Variants in ERGIC2 observed in about 807,000 individuals in gnomAD.
ERGIC2 encodes the protein endoplasmic reticulum-Golgi intermediate compartment protein 2.
In ERGIC2, 31 loss-of-function variants were observed where a neutral mutation model predicts 52.5. The observed-to-expected ratio is 0.59, with a 90% CI of 0.44 to 0.80. The LOEUF (loss-of-function observed/expected upper bound fraction) is 0.80, where lower values mean the gene tolerates loss of function less well. Among genes scored for constraint, ERGIC2 ranks in the 30% least tolerant of loss-of-function variants. The pLI is 0.00. For synonymous variants in ERGIC2, 129 were observed against 140.6 expected, an observed-to-expected ratio of 0.92 and a Z score of 0.58; for missense variants, 395 against 455.2, an observed-to-expected ratio of 0.87 and a Z score of 1.20.
intron 12 of ERGIC2, 83 bp downstream of exon 12, chr12:29,343,037 A>G (rs1279098353): frequency 3.4e-6 from 4 of 1,175,954 alleles, no homozygotes; most frequent in South Asian, 1.8e-5. Flanking sequence ...GAAAATCTGT[A>G]TACTTCTTGC....
Position 29,339,733 on chromosome 12 carries a change from G to A in ERGIC2, c.*1423C>T, listed in dbSNP as rs1565533731. ...TATTTCTCCTTCTCTCCATTATATT[G>A]TTTATCCTGTTTTCATAAATTTATC... On this transcript the variant is annotated 3_prime_UTR_variant, in exon 14 of 14. Coordinates refer to ENST00000360150, the MANE Select transcript of ERGIC2 (RefSeq NM_016570.3). The A allele has an allele frequency of 6.6e-6, 1 of 151,630 alleles. No individual in the cohort carries two copies. Among genetic ancestry groups the A allele is most frequent in the Non-Finnish European group, 1.5e-5 (1 of 67,884 alleles). The allele number at this position is 151,630 out of a possible 1,614,324, so 9.4% of individuals were successfully genotyped here. A position where few individuals can be genotyped will look rare whatever the true frequency, so the allele number is the denominator to read the frequency against.
chr12:29,366,407 T>C (rs1419665182), intron 5 of ERGIC2, among the ~76,000 whole-genome samples: 3 of 151,988 alleles, frequency 2.0e-5, no homozygotes, highest in Non-Finnish European at 4.4e-5. Flanking sequence ...GAAGTAGTAA[T>C]GCCCATGACA....
At chr12:29,363,474 T>A (rs538328510) in intron 5 of ERGIC2, among the ~76,000 whole-genome samples, 119 of 152,056 alleles carry the variant, frequency 7.8e-4, no homozygotes, top group Non-Finnish European at 1.5e-3. Flanking sequence ...CCTAAAAGCA[T>A]GGTTAAACAC....
At position 29,340,128 on chromosome 12, in the gene ERGIC2, A is replaced by C. The variant is rs560825614; in HGVS notation, c.*1028T>G. On this transcript the variant is annotated 3_prime_UTR_variant, in exon 14 of 14. Transcript: ENST00000360150. Reference sequence around the variant, plus strand: ...GACACCCTGAATGCAAATACTTCATAATACAGTTTTATAGTTTAATGGACA... The same window carrying C: ...GACACCCTGAATGCAAATACTTCATCATACAGTTTTATAGTTTAATGGACA... 1 of 152,256 alleles carries C rather than the reference A, an allele frequency of 6.6e-6. No individual in the cohort carries two copies. Among genetic ancestry groups the C allele is most frequent in the East Asian group, 1.9e-4 (1 of 5,184 alleles). The allele number at this position is 152,256 out of a possible 1,614,324, so 9.4% of individuals were successfully genotyped here. A position where few individuals can be genotyped will look rare whatever the true frequency, so the allele number is the denominator to read the frequency against.
chr12:29,379,602 G>A (rs139083661), intron 1 of ERGIC2, among the ~76,000 whole-genome samples: 5 of 152,264 alleles, frequency 3.3e-5, no homozygotes, highest in African/African-American at 1.2e-4. Flanking sequence ...GAGCTAACAT[G>A]CATTGAGTGT....
At chr12:29,375,075 C>T (rs1033488276) in intron 1 of ERGIC2, among the ~76,000 whole-genome samples, 2 of 152,072 alleles carry the variant, frequency 1.3e-5, no homozygotes, top group Non-Finnish European at 2.9e-5. Context: ...CCTTAAATAT[C>T]CTATTCTCTT....
chr12:29,371,285 T>C (rs914897850), intron 2 of ERGIC2, among the ~76,000 whole-genome samples: 6 of 152,146 alleles, frequency 3.9e-5, no homozygotes, highest in South Asian at 2.1e-4. Context: ...AGCAGAAACA[T>C]TGGTTTAATG....
chr12:29,338,167 C>T lies in ERGIC2; in HGVS notation c.*2989G>A, dbSNP rs1157772435. On this transcript the variant is annotated 3_prime_UTR_variant, in exon 14 of 14. Coordinates refer to ENST00000360150, the MANE Select transcript of ERGIC2 (RefSeq NM_016570.3). Reference sequence around the variant, plus strand: ...CCAGCCTAGGCGACAGAGCGAGACTCAGTTTCAAAAAAAAAAAAAAAAAAA... The same window carrying T: ...CCAGCCTAGGCGACAGAGCGAGACTTAGTTTCAAAAAAAAAAAAAAAAAAA... The T allele has an allele frequency of 1.5e-5, 2 of 134,090 alleles. No homozygotes were observed. The highest frequency in any genetic ancestry group is 5.9e-5 in the African/African-American group (2 of 34,086). The allele number at this position is 134,090 out of a possible 1,614,324, so 8.3% of individuals were successfully genotyped here.
chr12:29,349,705 A>G (rs753915247), intron 9 of ERGIC2, among the ~76,000 whole-genome samples: 13 of 152,044 alleles, frequency 8.6e-5, no homozygotes, highest in Non-Finnish European at 1.8e-4. Context: ...ATACATGTCT[A>G]TACATCCATA....
intron 8 of ERGIC2, among the ~76,000 whole-genome samples, chr12:29,353,492 T>C (rs1238949557): frequency 6.6e-6 from 1 of 152,138 alleles, no homozygotes; most frequent in Non-Finnish European, 1.5e-5. Flanking sequence ...TACATTTTAT[T>C]TGCCAGGGAG....
At chr12:29,372,548 G>A (rs1357335651) in intron 1 of ERGIC2, 6 of 152,074 alleles carry the variant, frequency 3.9e-5, no homozygotes, top group Admixed American at 1.3e-4. Context: ...ATTTGATTAC[G>A]AGGATATTTC....
In ERGIC2 at chr12:29,339,865, C is replaced by T. The variant is rs1369200210; in HGVS notation, c.*1291G>A. 2 of 152,048 alleles carry T rather than the reference C, an allele frequency of 1.3e-5. No homozygotes were observed. The highest frequency in any genetic ancestry group is 4.8e-5 in the African/African-American group (2 of 41,428). 9.4% of individuals were successfully genotyped at this position (152,048 alleles called of 1,614,324 possible). A position where few individuals can be genotyped will look rare whatever the true frequency, so the allele number is the denominator to read the frequency against. ...TTGTTATTTACCTGGAATTTTGTTT[C>T]CCCATTTCCTTAAATGATTTAAACT... is the stretch of plus-strand genomic sequence containing the variant. On this transcript the variant is annotated 3_prime_UTR_variant, in exon 14 of 14. Transcript: ENST00000360150.
chr12:29,345,387 T>C (rs1940033367), intron 11 of ERGIC2, 56 bp downstream of exon 11: 5 of 1,022,318 alleles, frequency 4.9e-6, no homozygotes, highest in Admixed American at 2.0e-5. Flanking sequence ...CAGGAAACTT[T>C]AAAATGCTTT....
At position 29,338,833 on chromosome 12, in the gene ERGIC2, T is replaced by C. The variant is rs1012640569; in HGVS notation, c.*2323A>G. 5 of 152,162 alleles carry C rather than the reference T, an allele frequency of 3.3e-5. No individual in the cohort carries two copies. The highest frequency in any genetic ancestry group is 4.8e-5 in the African/African-American group (2 of 41,440). The allele number at this position is 152,162 out of a possible 1,614,324, so 9.4% of individuals were successfully genotyped here. The stretch of plus-strand genomic sequence containing the variant: ...TAATTTGAGATCTCATTTTTAAATA[T>C]GTAGTCTGGAATATAAACATATAGA... On this transcript the variant is annotated 3_prime_UTR_variant, in exon 14 of 14. Coordinates refer to ENST00000360150, the MANE Select transcript of ERGIC2 (RefSeq NM_016570.3).
chr12:29,370,056 T>C lies in ERGIC2; in HGVS notation c.215+58A>G. The C allele has an allele frequency of 5.0e-6, 7 of 1,394,686 alleles. No individual in the cohort carries two copies. The South Asian group carries it at 8.1e-5, about 16-fold the overall frequency. 86.4% of individuals were successfully genotyped at this position (1,394,686 alleles called of 1,614,324 possible). A position where few individuals can be genotyped will look rare whatever the true frequency, so the allele number is the denominator to read the frequency against. On this transcript the variant is annotated intron_variant, in intron 3 of 13. Coordinates refer to ENST00000360150, the MANE Select transcript of ERGIC2 (RefSeq NM_016570.3). ...TAGACTTTTTCTTTTTTAAAAGGTA[T>C]GCTCTTTTTAAAACAATTTGAATCT... is the stretch of plus-strand genomic sequence containing the variant.
intron 10 of ERGIC2, among the ~76,000 whole-genome samples, chr12:29,347,629 G>A (rs1156302854): frequency 1.3e-5 from 2 of 151,970 alleles, no homozygotes; most frequent in South Asian, 2.1e-4. Flanking sequence ...ATCCAAATCT[G>A]TACTGCATTA....
chr12:29,370,291 T>C, intron 2 of ERGIC2, 69 bp from the exon 3 acceptor site: 3 of 1,428,956 alleles, frequency 2.1e-6, no homozygotes, highest in Non-Finnish European at 1.8e-6. Context: ...AGGAAACTAA[T>C]TTAAGTGAGA....
At chr12:29,365,581 T>C (rs940854007) in intron 5 of ERGIC2, among the ~76,000 whole-genome samples, 2 of 151,686 alleles carry the variant, frequency 1.3e-5, no homozygotes, top group African/African-American at 2.4e-5. Context: ...GTAACAAACC[T>C]TCACATGTAC....
chr12:29,362,350 C>T (rs141243572), intron 5 of ERGIC2, among the ~76,000 whole-genome samples: 9 of 152,036 alleles, frequency 5.9e-5, no homozygotes, highest in Admixed American at 2.6e-4. Context: ...CCAAGACAGG[C>T]GGATTGCCTG....
Sources: gnomAD v4.1 joint callset for allele counts (sites outside exome capture counted in the v4.1 genomes callset) on GRCh38, gnomAD v4.1.1 for gene constraint, MANE v1.5 for transcripts, NCBI Gene and HGNC (gene_info 2026-07-23, HGNC 2026-07-21) for gene names.